The following TTC39C variants were observed in gnomAD, a reference collection of about 807,000 sequenced individuals.
The protein encoded by TTC39C is tetratricopeptide repeat protein 39C.
In TTC39C, 33 loss-of-function variants were observed where a neutral mutation model predicts 76.3. The observed-to-expected ratio is 0.43, with a 90% confidence interval of 0.33 to 0.58. The LOEUF is 0.58. Ranked by LOEUF, TTC39C falls within the 20% of genes least tolerant of loss-of-function variation. TTC39C has a pLI of 0.04. For synonymous variants in TTC39C, 254 were observed against 260.6 expected (o/e 0.97, Z 0.24); for missense variants, 595 against 701.4 (o/e 0.85, Z 1.71).
intron 6 of TTC39C, among the ~76,000 whole-genome samples, chr18:24,107,681 A>G (rs1490761900): frequency 6.6e-6 from 1 of 152,214 alleles, no homozygotes; most frequent in East Asian, 1.9e-4. Context: ...CTGTGAGTCC[A>G]TTAAACTTCT....
chr18:24,036,657 A>G (rs544700674), intron 1 of TTC39C, among the ~76,000 whole-genome samples: 1 of 152,208 alleles, frequency 6.6e-6, no homozygotes, highest in African/African-American at 2.4e-5. Context: ...TTGAGACAGG[A>G]TCTCACTTTG....
chr18:24,101,594 T>C (rs528041778), intron 6 of TTC39C, among the ~76,000 whole-genome samples: 3 of 152,184 alleles, frequency 2.0e-5, no homozygotes, highest in African/African-American at 4.8e-5. Flanking sequence ...AGCTTGCCCG[T>C]TGAACACCTT....
chr18:24,039,315 A>G (rs1416215844), intron 1 of TTC39C, among the ~76,000 whole-genome samples: 1 of 152,244 alleles, frequency 6.6e-6, no homozygotes, highest in African/African-American at 2.4e-5. Flanking sequence ...CAGAGCCAGC[A>G]TCCTCAGACT....
intron 3 of TTC39C, among the ~76,000 whole-genome samples, chr18:24,067,815 C>T (rs975374420): frequency 2.0e-5 from 3 of 152,168 alleles, no homozygotes; most frequent in Admixed American, 1.3e-4. Flanking sequence ...TCGGTGGCCC[C>T]TCTCACCAGC....
intron 5 of TTC39C, among the ~76,000 whole-genome samples, chr18:24,081,998 A>G (rs1036706812): frequency 6.7e-6 from 1 of 148,368 alleles, no homozygotes; most frequent in Non-Finnish European, 1.5e-5. Context: ...TTGGTTAAAC[A>G]TTTTTGTCTG....
At chr18:24,003,788 C>G (rs1004087128) in intron 1 of TTC39C, among the ~76,000 whole-genome samples, 2 of 152,162 alleles carry the variant, frequency 1.3e-5, no homozygotes, top group Non-Finnish European at 2.9e-5. Context: ...CACTCTGTCA[C>G]CCAGATTGGA....
chr18:24,064,123 G>A lies in TTC39C; in HGVS notation c.168-17G>A. The A allele has an allele frequency of 6.2e-7, 1 of 1,612,806 alleles. No homozygotes were observed. Among genetic ancestry groups the A allele is most frequent in the Non-Finnish European group, 8.5e-7 (1 of 1,179,594 alleles). On this transcript the variant is annotated splice_polypyrimidine_tract_variant and intron_variant, in intron 1 of 13. Coordinates refer to ENST00000317571, the MANE Select transcript of TTC39C (RefSeq NM_001135993.2). ...AAATAATTGTATTTTGTGTGTGTGTGTGTGTTTTTTTAACAGAAATCATAG... is the reference window on the plus strand; with the variant it reads ...AAATAATTGTATTTTGTGTGTGTGTATGTGTTTTTTTAACAGAAATCATAG...
intron 12 of TTC39C, among the ~76,000 whole-genome samples, chr18:24,130,705 A>C (rs2085115983): frequency 6.6e-6 from 1 of 152,088 alleles, no homozygotes; most frequent in Non-Finnish European, 1.5e-5. Flanking sequence ...AACATCATAG[A>C]GTACTTACAC....
At chr18:24,053,990 C>T (rs2083984465) in intron 1 of TTC39C, among the ~76,000 whole-genome samples, 2 of 152,110 alleles carry the variant, frequency 1.3e-5, no homozygotes, top group South Asian at 4.1e-4. Flanking sequence ...GTGGCCTTTT[C>T]CTCCCCTTTT....
intron 1 of TTC39C, among the ~76,000 whole-genome samples, chr18:24,008,601 A>G (rs2083371512): frequency 6.6e-6 from 1 of 152,136 alleles, no homozygotes; most frequent in Admixed American, 6.5e-5. Context: ...AATTAGTCCA[A>G]CCATTGTGGA....
At position 24,134,257 on chromosome 18, in the gene TTC39C, G is replaced by GTTGTTTTTTTTTTTTTTTTTTTTT. The variant is rs1555779358; in HGVS notation, c.*1685_*1686insGTTTTTTTTTTTTTTTTTTTTTTT. 2.1e-5 allele frequency: 1 copy of GTTGTTTTTTTTTTTTTTTTTTTTT among 48,688 alleles called. No individual in the cohort carries two copies. Among genetic ancestry groups the GTTGTTTTTTTTTTTTTTTTTTTTT allele is most frequent in the African/African-American group, 6.0e-5 (1 of 16,714 alleles). 3.0% of individuals were successfully genotyped at this position (48,688 alleles called of 1,614,324 possible). ...TGGTGCCCAAAAATATTGGACATCT[G>GTTGTTTTTTTTTTTTTTTTTTTTT]TTTTTTGTTTTTTTTTTTTTTTTTT... On this transcript the variant is annotated 3_prime_UTR_variant, in exon 14 of 14. Transcript: ENST00000317571.
chr18:24,093,295 T>A (rs955454406), intron 6 of TTC39C, among the ~76,000 whole-genome samples: 1 of 152,010 alleles, frequency 6.6e-6, no homozygotes, highest in Non-Finnish European at 1.5e-5. Flanking sequence ...CTGGCTAACA[T>A]GGTGAAACCC....
intron 13 of TTC39C, 103 bp from the exon 14 acceptor site, chr18:24,132,382 A>T: frequency 1.2e-6 from 1 of 854,032 alleles, no homozygotes; most frequent in South Asian, 2.0e-5. Flanking sequence ...GGGAGTGTAG[A>T]GATTTTACTT....
At chr18:24,048,214 G>A (rs764687253) in intron 1 of TTC39C, among the ~76,000 whole-genome samples, 5 of 152,164 alleles carry the variant, frequency 3.3e-5, no homozygotes, top group African/African-American at 4.8e-5. Flanking sequence ...AATAATTTGC[G>A]TGAGACTAAT....
chr18:24,044,194 AAGTC>A (rs954093804), intron 1 of TTC39C, among the ~76,000 whole-genome samples: 3 of 152,030 alleles, frequency 2.0e-5, no homozygotes, highest in African/African-American at 7.2e-5. Context: ...ATCATGGAAA[AAGTC>A]AGACTCTTTC....
rs1568408775 is a variant in TTC39C at position 24,023,959 on chromosome 18, TATATATATATATATATATATA to T, written c.167+8922_167+8942del. 3.4e-3 allele frequency among the ~76,000 whole-genome samples: 35 copies of T among 10,224 alleles called. 2 individuals carry two copies. The highest frequency in any genetic ancestry group is 0.014 in the East Asian group (5 of 360). 6.7% of individuals were successfully genotyped at this position (10,224 alleles called of 152,430 possible). ...ATATATATATATGCATGTATATATA[TATATATATATATATATATATA>T]CATATATATATATATATATATATAT... On this transcript the variant is annotated intron_variant, in intron 1 of 13. Transcript: ENST00000317571.
intron 1 of TTC39C, among the ~76,000 whole-genome samples, chr18:24,049,074 T>C (rs2083919286): frequency 1.3e-5 from 2 of 152,216 alleles, no homozygotes. Flanking sequence ...CCTTTAGTAC[T>C]TTTCAGCATT....
At chr18:24,113,017 G>A (rs995054765) in intron 6 of TTC39C, among the ~76,000 whole-genome samples, 4 of 152,026 alleles carry the variant, frequency 2.6e-5, no homozygotes, top group African/African-American at 7.3e-5. Flanking sequence ...CAGTGTCAAT[G>A]TCTGCCTTCT....
At chr18:24,037,090 G>A (rs2083741856) in intron 1 of TTC39C, among the ~76,000 whole-genome samples, 1 of 152,136 alleles carries the variant, frequency 6.6e-6, no homozygotes, top group African/African-American at 2.4e-5. Flanking sequence ...GCAAAAGTGG[G>A]CGTTTTTGTC....
Sources: gnomAD v4.1 joint callset for allele counts (sites outside exome capture counted in the v4.1 genomes callset) on GRCh38, gnomAD v4.1.1 for gene constraint, MANE v1.5 for transcripts, NCBI Gene and HGNC (gene_info 2026-07-23, HGNC 2026-07-21) for gene names.